ELP3: variants seen among roughly 807,000 people sequenced by gnomAD.
ELP3 encodes the protein elongator acetyltransferase complex subunit 3.
ELP3 carries 56 observed loss-of-function variants against 74.9 expected under a neutral mutation model. The ratio of observed to expected loss-of-function variants is 0.75; its 90% confidence interval spans 0.60 to 0.93. The LOEUF is 0.93. Ranked by LOEUF, ELP3 falls within the 40% of genes least tolerant of loss-of-function variation. The pLI, the probability that ELP3 is intolerant of heterozygous loss-of-function variation, is 0.00. For synonymous variants in ELP3, 222 were observed against 239.8 expected (o/e 0.93, Z 0.68); for missense variants, 573 against 686.5 (o/e 0.83, Z 1.85).
At chr8:28,113,223 G>A (rs771458380) in intron 7 of ELP3, 50 bp downstream of exon 7, 3 of 1,520,184 alleles carry the variant, frequency 2.0e-6, no homozygotes, top group Admixed American at 3.7e-5. Context: ...GTCAGTTTAT[G>A]CTCCTAGCAG....
chr8:28,128,487 T>A (rs1176610773), intron 7 of ELP3, among the ~76,000 whole-genome samples: 3 of 151,632 alleles, frequency 2.0e-5, no homozygotes, highest in African/African-American at 7.3e-5. Flanking sequence ...AAAAAAAAAT[T>A]GAGAGATGTT....
At chr8:28,120,369 TTGAGTA>T (rs1812320976) in intron 7 of ELP3, among the ~76,000 whole-genome samples, 2 of 152,236 alleles carry the variant, frequency 1.3e-5, no homozygotes, top group Non-Finnish European at 2.9e-5. Context: ...CTTATGCTAT[TTGAGTA>T]TATTTCCTTT....
chr8:28,122,546 TTGTC>T (rs1227575156), intron 7 of ELP3, among the ~76,000 whole-genome samples: 1 of 152,236 alleles, frequency 6.6e-6, no homozygotes, highest in Non-Finnish European at 1.5e-5. Context: ...TTCAAGGAAT[TTGTC>T]TGTTTCATTC....
chr8:28,176,645 G>A (rs1338211796), intron 14 of ELP3, among the ~76,000 whole-genome samples: 2 of 152,000 alleles, frequency 1.3e-5, no homozygotes, highest in Non-Finnish European at 1.5e-5. Context: ...CGTAATCGTC[G>A]TTTTAGCAGA....
At chr8:28,152,175 C>A (rs1006020776) in intron 10 of ELP3, among the ~76,000 whole-genome samples, 2 of 152,182 alleles carry the variant, frequency 1.3e-5, no homozygotes, top group Non-Finnish European at 2.9e-5. Flanking sequence ...GTCTTCCCCT[C>A]TTATAGGTCC....
At chr8:28,183,109 G>A in intron 14 of ELP3, 1 of 456,042 alleles carries the variant, frequency 2.2e-6, no homozygotes, top group Non-Finnish European at 4.4e-6. Flanking sequence ...TTGATCTAAA[G>A]TGTGTGCAGT....
chr8:28,110,403 G>C lies in ELP3; in HGVS notation c.427G>C (p.Asp143His), dbSNP rs779572665. 1.9e-6 allele frequency: 3 copies of C among 1,613,800 alleles called. No individual in the cohort carries two copies. The highest frequency in any genetic ancestry group is 2.5e-6 in the Non-Finnish European group (3 of 1,179,914). Reference sequence around the variant, plus strand: ...CATGAGAGCTATCCGTGCCAGATATGACCCTTTCCTACAGACAAGACACCG... The same window carrying C: ...CATGAGAGCTATCCGTGCCAGATATCACCCTTTCCTACAGACAAGACACCG... Reference protein sequence around the residue: ...TSMRAIRARYDPFLQTRHRIE... With the variant: ...TSMRAIRARYHPFLQTRHRIE... The change falls in exon 6 of 15, where the codon GAC (aspartate) becomes CAC (histidine). Residue 143 changes from aspartate to histidine, a missense_variant. Coordinates refer to ENST00000256398, the MANE Select transcript of ELP3 (RefSeq NM_018091.6).
At chr8:28,185,304 G>T (rs1308983078) in intron 14 of ELP3, among the ~76,000 whole-genome samples, 1 of 152,074 alleles carries the variant, frequency 6.6e-6, no homozygotes, top group Non-Finnish European at 1.5e-5. Context: ...CTTGTACATT[G>T]AATCATTCCA....
intron 7 of ELP3, among the ~76,000 whole-genome samples, chr8:28,119,733 T>C (rs1028782348): frequency 1.3e-5 from 2 of 151,148 alleles, no homozygotes; most frequent in Non-Finnish European, 3.0e-5. Context: ...TCCCAGAAAG[T>C]TCCCACATCC....
Position 28,166,249 on chromosome 8 carries a change from G to A in ELP3, c.1567+4171G>A, listed in dbSNP as rs1011630081. 2.0e-5 allele frequency among the ~76,000 whole-genome samples: 3 copies of A among 152,166 alleles called. No homozygotes were observed. The East Asian group carries it at 5.8e-4, about 29-fold the overall frequency. On this transcript the variant is annotated intron_variant, in intron 14 of 14. Transcript: ENST00000256398. The stretch of plus-strand genomic sequence containing the variant: ...TTCCCCTCGTTGATTGTCTTTGACT[G>A]CAGAGGAAGATAAGTTTTCTCCCTA...
intron 10 of ELP3, among the ~76,000 whole-genome samples, chr8:28,151,339 T>A (rs750435668): frequency 6.6e-6 from 1 of 152,218 alleles, no homozygotes; most frequent in African/African-American, 2.4e-5. Flanking sequence ...CCTCTGTCCT[T>A]AAATTCTAGC....
intron 3 of ELP3, among the ~76,000 whole-genome samples, chr8:28,103,184 A>G (rs1811560163): frequency 6.6e-6 from 1 of 152,150 alleles, no homozygotes; most frequent in East Asian, 1.9e-4. Context: ...AAACAAACAA[A>G]CAAACAAACA....
chr8:28,108,107 C>A, intron 5 of ELP3, 131 bp downstream of exon 5: 1 of 706,266 alleles, frequency 1.4e-6, no homozygotes, highest in Non-Finnish European at 2.3e-6. Context: ...AAAAGCTGTT[C>A]ATTCACCAAA....
chr8:28,118,496 G>T (rs1321255957), intron 7 of ELP3, among the ~76,000 whole-genome samples: 2 of 152,260 alleles, frequency 1.3e-5, no homozygotes, highest in East Asian at 3.9e-4. Context: ...TTTTGTGAAG[G>T]CTCATTAAAT....
At chr8:28,143,491 G>A (rs7000894) in intron 10 of ELP3, among the ~76,000 whole-genome samples, 86,174 of 151,970 alleles carry the variant, frequency 0.57, 25,592 homozygotes, top group East Asian at 0.91. Context: ...GCATCTTTAC[G>A]TATCAGTATA....
At chr8:28,114,880 G>C (rs1812063939) in intron 7 of ELP3, among the ~76,000 whole-genome samples, 1 of 152,336 alleles carries the variant, frequency 6.6e-6, no homozygotes, top group South Asian at 2.1e-4. Flanking sequence ...TCCGGCTACT[G>C]TCTGGCTAAT....
intron 2 of ELP3, among the ~76,000 whole-genome samples, chr8:28,097,982 T>C (rs922037622): frequency 2.0e-5 from 3 of 152,302 alleles, no homozygotes; most frequent in African/African-American, 7.2e-5. Flanking sequence ...CCCATGTTCT[T>C]CTGTGCTGCA....
intron 3 of ELP3, among the ~76,000 whole-genome samples, chr8:28,102,294 C>T (rs1298733025): frequency 6.6e-6 from 1 of 152,204 alleles, no homozygotes; most frequent in Non-Finnish European, 1.5e-5. Flanking sequence ...CTTGCTTATT[C>T]ACCTTTCCTG....
chr8:28,132,255 A>G, intron 8 of ELP3, 23 bp from the exon 9 acceptor site: 1 of 1,613,450 alleles, frequency 6.2e-7, no homozygotes, highest in Non-Finnish European at 8.5e-7. Context: ...TGATTTTCAC[A>G]GGTAGTGATT....
Sources: gnomAD v4.1 joint callset for allele counts (sites outside exome capture counted in the v4.1 genomes callset) on GRCh38, gnomAD v4.1.1 for gene constraint, MANE v1.5 for transcripts, NCBI Gene and HGNC (gene_info 2026-07-23, HGNC 2026-07-21) for gene names.